Variants in GARRE1 observed in about 807,000 individuals in gnomAD.
GARRE1 encodes the protein granule associated Rac and RHOG effector 1.
In GARRE1, 49 loss-of-function variants were observed where a neutral mutation model predicts 103.2. The observed-to-expected ratio is 0.47, with a 90% CI of 0.38 to 0.60. The LOEUF (loss-of-function observed/expected upper bound fraction) is 0.60, where lower values mean the gene tolerates loss of function less well. Ranked by LOEUF, GARRE1 falls within the 20% of genes least tolerant of loss-of-function variation. The pLI is 0.00. For missense variants in GARRE1, 1,199 were observed against 1,370.5 expected, an observed-to-expected ratio of 0.87 and a Z score of 1.98; for synonymous variants, 505 against 532.8, an observed-to-expected ratio of 0.95 and a Z score of 0.72.
intron 6 of GARRE1, 115 bp downstream of exon 6, chr19:34,328,266 T>C: frequency 1.7e-6 from 2 of 1,180,146 alleles, no homozygotes; most frequent in Non-Finnish European, 2.4e-6. Context: ...CCGGGCGTGG[T>C]GGCTCACGCC....
intron 1 of GARRE1, among the ~76,000 whole-genome samples, chr19:34,270,225 C>T (rs933372629): frequency 6.6e-6 from 1 of 152,246 alleles, no homozygotes; most frequent in Non-Finnish European, 1.5e-5. Flanking sequence ...GCCTCAGGGC[C>T]TGAGCCATTT....
At chr19:34,319,200 CTTA>C (rs916226285) in intron 2 of GARRE1, among the ~76,000 whole-genome samples, 14 of 152,130 alleles carry the variant, frequency 9.2e-5, no homozygotes, top group African/African-American at 1.7e-4. Context: ...TAGTATACAT[CTTA>C]TTATAATTAC....
rs1363225424 is a variant in GARRE1 at position 34,300,937 on chromosome 19, A to G, written c.464A>G (p.Asp155Gly). 1.2e-6 allele frequency: 2 copies of G among 1,603,216 alleles called. No individual in the cohort carries two copies. The highest frequency in any genetic ancestry group is 1.7e-6 in the Non-Finnish European group (2 of 1,179,702). The part of the protein sequence containing the change: ...ELSAGAANFT[D>G]QKEFSLQDIE... ...AGTGCTGGGGCTGCAAATTTTACGG[A>G]TCAGAAGGAATTCAGTCTCCAGGAC... The change falls in exon 2 of 14, where the codon GAT becomes GGT. Residue 155 changes from aspartate (D) to glycine (G), a missense_variant. Physicochemically the swap from Asp to Gly is moderately conservative, Grantham distance 94. Transcript: ENST00000299505.
At chr19:34,351,196 C>CAAAAAA (rs776416030) in intron 12 of GARRE1, among the ~76,000 whole-genome samples, 1 of 52,166 alleles carries the variant, frequency 1.9e-5, no homozygotes, top group Non-Finnish European at 3.4e-5. Flanking sequence ...GACTCAGTCT[C>CAAAAAA]AAAAAAAAAA....
At chr19:34,268,752 G>C (rs1253953928) in intron 1 of GARRE1, among the ~76,000 whole-genome samples, 2 of 152,062 alleles carry the variant, frequency 1.3e-5, no homozygotes, top group East Asian at 3.9e-4. Flanking sequence ...CTTGAGTCCA[G>C]GAGTTTGAGA....
rs1044896033 is a variant in GARRE1, at chr19:34,300,314, A to C, written c.-160A>C. On this transcript the variant is annotated 5_prime_UTR_variant, in exon 2 of 14. Transcript: ENST00000299505. Reference sequence around the variant, plus strand: ...TAATTATATAAACCTGTTGTCTCTCACCTCTACATTGGATCACATGGTCAC... The same window carrying C: ...TAATTATATAAACCTGTTGTCTCTCCCCTCTACATTGGATCACATGGTCAC... The C allele has an allele frequency of 3.0e-5, 20 of 661,414 alleles. No homozygotes were observed. The African/African-American group carries it at 3.1e-4, about 10-fold the overall frequency. 41.0% of individuals were successfully genotyped at this position (661,414 alleles called of 1,614,324 possible). A position where few individuals can be genotyped will look rare whatever the true frequency, so the allele number is the denominator to read the frequency against.
chr19:34,329,626 AG>A (rs1236335074), intron 6 of GARRE1, among the ~76,000 whole-genome samples: 1 of 152,188 alleles, frequency 6.6e-6, no homozygotes, highest in African/African-American at 2.4e-5. Flanking sequence ...ACCTGAGGTC[AG>A]GAGTTCAAGA....
chr19:34,279,550 A>G (rs151025350), intron 1 of GARRE1, among the ~76,000 whole-genome samples: 47 of 152,034 alleles, frequency 3.1e-4, no homozygotes, highest in African/African-American at 9.6e-4. Flanking sequence ...TTATTTTAAT[A>G]TTAGCCATCC....
chr19:34,293,237 G>A (rs1038827695), intron 1 of GARRE1, among the ~76,000 whole-genome samples: 1 of 152,082 alleles, frequency 6.6e-6, no homozygotes, highest in Non-Finnish European at 1.5e-5. Context: ...TAGCACTAAA[G>A]TAAATGTTAA....
intron 1 of GARRE1, among the ~76,000 whole-genome samples, chr19:34,292,265 T>C (rs1180572952): frequency 6.6e-6 from 1 of 152,222 alleles, no homozygotes; most frequent in Admixed American, 6.5e-5. Context: ...CTTAGCACAG[T>C]GTTTTTAAGG....
chr19:34,294,400 G>T (rs2073935398), intron 1 of GARRE1, among the ~76,000 whole-genome samples: 1 of 151,616 alleles, frequency 6.6e-6, no homozygotes, highest in Admixed American at 6.6e-5. Flanking sequence ...TCCAGTTTGG[G>T]TGACAGAGAG....
chr19:34,276,856 C>T (rs963742077), intron 1 of GARRE1, among the ~76,000 whole-genome samples: 1 of 150,562 alleles, frequency 6.6e-6, no homozygotes, highest in Non-Finnish European at 1.5e-5. Context: ...CAGCTGTGAA[C>T]AAGCCATTGC....
At chr19:34,293,302 A>G (rs183167422) in intron 1 of GARRE1, among the ~76,000 whole-genome samples, 82 of 152,288 alleles carry the variant, frequency 5.4e-4, no homozygotes, top group South Asian at 3.7e-3. Context: ...TTTTCATTTC[A>G]AAAATGAAGC....
chr19:34,314,334 A>G (rs1489948153), intron 2 of GARRE1, among the ~76,000 whole-genome samples: 1 of 152,206 alleles, frequency 6.6e-6, no homozygotes, highest in Non-Finnish European at 1.5e-5. Flanking sequence ...AACTATAAAC[A>G]CACAATCTAC....
In GARRE1 at chr19:34,254,626, G is replaced by C. The variant is rs1045910152; in HGVS notation, c.-796+12G>C. 6.7e-6 allele frequency: 1 copy of C among 148,584 alleles called. No individual in the cohort carries two copies. Among genetic ancestry groups the C allele is most frequent in the African/African-American group, 2.5e-5 (1 of 40,784 alleles). 9.2% of individuals were successfully genotyped at this position (148,584 alleles called of 1,614,324 possible). A position where few individuals can be genotyped will look rare whatever the true frequency, so the allele number is the denominator to read the frequency against. On this transcript the variant is annotated intron_variant, in intron 1 of 13. Transcript: ENST00000299505. Reference sequence around the variant, plus strand: ...GGGGCGCGTCGCAGGTGAGGAGCGGGCGCGGCGGGCGCAGGCGGGGGCTGG... The same window carrying C: ...GGGGCGCGTCGCAGGTGAGGAGCGGCCGCGGCGGGCGCAGGCGGGGGCTGG...
intron 9 of GARRE1, 55 bp downstream of exon 9, chr19:34,340,047 C>T: frequency 3.1e-6 from 5 of 1,587,678 alleles, no homozygotes; most frequent in Non-Finnish European, 4.3e-6. Flanking sequence ...TGACTATGCA[C>T]AGTTTCATGT....
chr19:34,257,442 ATTC>A (rs1051465431), intron 1 of GARRE1, among the ~76,000 whole-genome samples: 1 of 151,964 alleles, frequency 6.6e-6, no homozygotes, highest in African/African-American at 2.4e-5. Flanking sequence ...GGTTCAAGCA[ATTC>A]TTCTGCCTCA....
chr19:34,296,409 G>T, intron 1 of GARRE1: 2 of 1,563,674 alleles, frequency 1.3e-6, no homozygotes, highest in Non-Finnish European at 1.7e-6. Context: ...TCCCTTGGCA[G>T]TGCGGGCACG....
At chr19:34,295,030 C>T (rs1311708838) in intron 1 of GARRE1, among the ~76,000 whole-genome samples, 1 of 152,198 alleles carries the variant, frequency 6.6e-6, no homozygotes, top group East Asian at 1.9e-4. Context: ...AGATTCTCCT[C>T]CCTCTCCAGA....
Sources: gnomAD v4.1 joint callset for allele counts (sites outside exome capture counted in the v4.1 genomes callset) on GRCh38, gnomAD v4.1.1 for gene constraint, MANE v1.5 for transcripts, NCBI Gene and HGNC (gene_info 2026-07-23, HGNC 2026-07-21) for gene names.